Variants in TPD52L3 observed in about 807,000 individuals in gnomAD.
TPD52L3 encodes the protein TPD52 like 3.
In TPD52L3, 12 loss-of-function variants were observed where a neutral mutation model predicts 8.7. The ratio of observed to expected loss-of-function variants is 1.38; its 90% CI spans 0.89 to 2.24. TPD52L3 has a LOEUF of 2.24. Ranked by LOEUF, TPD52L3 falls within the 30% of genes most tolerant of loss-of-function variation. The pLI is 0.00. For missense variants in TPD52L3, 207 were observed against 158.7 expected, an observed-to-expected ratio of 1.30 and a Z score of -1.64; for synonymous variants, 79 against 66.8, an observed-to-expected ratio of 1.18 and a Z score of -0.89.
intron 1 of TPD52L3, 167 bp downstream of exon 1, chr9:6,329,129 G>A: frequency 6.7e-7 from 1 of 1,499,950 alleles, no homozygotes; most frequent in Non-Finnish European, 8.9e-7. Context: ...GTTCTGGAGA[G>A]TGAGGATGAC....
At chr9:6,330,675 C>T (rs967069447) in intron 1 of TPD52L3, 32 of 1,208,706 alleles carry the variant, frequency 2.6e-5, no homozygotes, top group South Asian at 3.4e-5. Context: ...TTTGCATGTT[C>T]GATTTTTAAT....
intron 1 of TPD52L3, chr9:6,330,758 G>C (rs1818136475): frequency 7.6e-7 from 1 of 1,308,594 alleles, no homozygotes; most frequent in South Asian, 2.6e-5. Flanking sequence ...TACAAGAAAT[G>C]AAAGTAGTCC....
chr9:6,329,101 G>A (rs1222744659), intron 1 of TPD52L3, 139 bp downstream of exon 1: 1 of 1,541,936 alleles, frequency 6.5e-7, no homozygotes, highest in Non-Finnish European at 8.7e-7. Context: ...TCCGGGGAGT[G>A]GGAATGAGCC....
intron 1 of TPD52L3, chr9:6,330,197 A>C (rs1587715731): frequency 6.2e-7 from 1 of 1,614,064 alleles, no homozygotes; most frequent in Non-Finnish European, 8.5e-7. Context: ...CCTAAAGGAG[A>C]AGGAAGCAGA....
intron 1 of TPD52L3, chr9:6,330,773 G>A (rs949095487): frequency 4.5e-6 from 6 of 1,336,112 alleles, no homozygotes; most frequent in East Asian, 2.8e-5. Flanking sequence ...TAGTCCAACA[G>A]GCAAAGGCTT....
Position 6,328,761 on chromosome 9 carries a change from C to T in TPD52L3, c.166C>T (p.Arg56Cys), listed in dbSNP as rs757070996. ...CCACGTACTAGCAGCCAAAGAGAGA[C>T]GCTGTGGGGAACTCAAGAGGAAGTT... ...LRHVLAAKER[R>C]CGELKRKLGL... The change falls in exon 1 of 2, where the codon CGC becomes TGC. Residue 56 changes from arginine (R) to cysteine (C), a missense_variant. Coordinates refer to ENST00000314556, the MANE Select transcript of TPD52L3 (RefSeq NM_001001874.3). The T allele has an allele frequency of 2.8e-5, 45 of 1,613,982 alleles. No individual in the cohort carries two copies. The highest frequency in any genetic ancestry group is 1.3e-4 in the East Asian group (6 of 44,886).
intron 1 of TPD52L3, chr9:6,330,150 G>T: frequency 6.2e-7 from 1 of 1,613,720 alleles, no homozygotes; most frequent in Non-Finnish European, 8.5e-7. Context: ...ATACATCTTT[G>T]CTCTTAACTC....
chr9:6,330,091 C>A lies in TPD52L3; in HGVS notation c.368-885C>A, dbSNP rs144435785. On this transcript the variant is annotated intron_variant, in intron 1 of 1. Coordinates refer to ENST00000314556, the MANE Select transcript of TPD52L3 (RefSeq NM_001001874.3). ...GTCTCAAGGAACATTTTAAAAAGAA[C>A]GTCTGTCCCCTGTGATGCTGGCTGT... The A allele has an allele frequency of 3.9e-4, 610 of 1,584,272 alleles. 4 individuals carry two copies. In the East Asian group the frequency reaches 0.013, roughly 34 times the overall value.
intron 1 of TPD52L3, 165 bp from the exon 2 acceptor site, chr9:6,330,811 G>C (rs1818137259): frequency 7.2e-7 from 1 of 1,392,278 alleles, no homozygotes; most frequent in Non-Finnish European, 9.3e-7. Context: ...GCTTGTGTTA[G>C]GGACAATCTC....
intron 1 of TPD52L3, chr9:6,330,764 A>C: frequency 7.6e-7 from 1 of 1,314,454 alleles, no homozygotes; most frequent in Non-Finnish European, 9.7e-7. Context: ...AAATGAAAGT[A>C]GTCCAACAGG....
chr9:6,329,852 T>G, intron 1 of TPD52L3: 1 of 1,152,836 alleles, frequency 8.7e-7, no homozygotes, highest in Non-Finnish European at 1.1e-6. Flanking sequence ...AAACTGAAAT[T>G]GCAACTTTGC....
intron 1 of TPD52L3, chr9:6,330,569 G>A (rs1226799634): frequency 2.6e-6 from 3 of 1,167,928 alleles, no homozygotes; most frequent in Non-Finnish European, 3.2e-6. Flanking sequence ...AAATACAAAA[G>A]CATCTGGTAA....
At position 6,328,753 on chromosome 9, in the gene TPD52L3, A is replaced by G; in HGVS notation, c.158A>G (p.Lys53Arg). The G allele has an allele frequency of 6.2e-7, 1 of 1,614,172 alleles. No individual in the cohort carries two copies. Among genetic ancestry groups the G allele is most frequent in the Non-Finnish European group, 8.5e-7 (1 of 1,180,038 alleles). Residue 53 changes from lysine (K) to arginine (R), a missense_variant, in exon 1 of 2, where the codon AAA becomes AGA. Coordinates refer to ENST00000314556, the MANE Select transcript of TPD52L3 (RefSeq NM_001001874.3). ...IVTLRHVLAA[K>R]ERRCGELKRK... ...ACCCTACGCCACGTACTAGCAGCCA[A>G]AGAGAGACGCTGTGGGGAACTCAAG... is the stretch of plus-strand genomic sequence containing the variant.
At chr9:6,329,005 G>C in intron 1 of TPD52L3, 43 bp downstream of exon 1, 2 of 1,613,890 alleles carry the variant, frequency 1.2e-6, no homozygotes, top group Non-Finnish European at 1.7e-6. Flanking sequence ...GGGGGCAAAA[G>C]AGCTTGGCCC....
Position 6,328,865 on chromosome 9 carries a change from G to C in TPD52L3, c.270G>C (p.Val90=), listed in dbSNP as rs923690499. Residue 90 remains valine (V), a synonymous_variant, in exon 1 of 2, where the codon GTG becomes GTC. Coordinates refer to ENST00000314556, the MANE Select transcript of TPD52L3 (RefSeq NM_001001874.3). The part of the protein sequence containing the change: ...WLDVQVSNTY[V]KQKTSAALST... ...ATGTTCAGGTCTCCAACACCTATGT[G>C]AAACAGAAGACATCAGCTGCTCTGT... 1.2e-6 allele frequency: 2 copies of C among 1,614,200 alleles called. No individual in the cohort carries two copies. Among genetic ancestry groups the C allele is most frequent in the Non-Finnish European group, 1.7e-6 (2 of 1,180,040 alleles).
chr9:6,329,139 C>A (rs1818091354), intron 1 of TPD52L3, 177 bp downstream of exon 1: 2 of 1,484,608 alleles, frequency 1.3e-6, no homozygotes, highest in Admixed American at 5.2e-5. Context: ...GTGAGGATGA[C>A]CATCTCCACT....
rs1415307278 is a variant in TPD52L3, at chr9:6,331,546, G to A, written c.*527G>A. On this transcript the variant is annotated 3_prime_UTR_variant, in exon 2 of 2. Transcript: ENST00000314556. ...CGTGAGTAAGAAAAAATAAGCAGGG[G>A]GCAAAATCATAAGTAGTCTTACATA... 1.3e-5 allele frequency: 2 copies of A among 152,026 alleles called. No individual in the cohort carries two copies. The highest frequency in any genetic ancestry group is 4.8e-5 in the African/African-American group (2 of 41,362). 9.4% of individuals were successfully genotyped at this position (152,026 alleles called of 1,614,324 possible).
At position 6,330,828 on chromosome 9, in the gene TPD52L3, T is replaced by C. The variant is rs1564106752; in HGVS notation, c.368-148T>C. ...TTGTGTTAGGGACAATCTCAGACTA[T>C]TATCATGGGCCAAACCTGAGAGATG... On this transcript the variant is annotated intron_variant, in intron 1 of 1. Coordinates refer to ENST00000314556, the MANE Select transcript of TPD52L3 (RefSeq NM_001001874.3). The C allele has an allele frequency of 6.3e-6, 9 of 1,431,226 alleles. No individual in the cohort carries two copies. In the East Asian group the frequency reaches 1.5e-4, roughly 24 times the overall value. The allele number at this position is 1,431,226 out of a possible 1,614,324, so 88.7% of individuals were successfully genotyped here. A position where few individuals can be genotyped will look rare whatever the true frequency, so the allele number is the denominator to read the frequency against.
chr9:6,329,222 T>C, intron 1 of TPD52L3: 1 of 1,391,226 alleles, frequency 7.2e-7, no homozygotes, highest in South Asian at 1.9e-5. Context: ...CCTTCCCTTA[T>C]TACATTTGCA....
Sources: allele counts gnomAD v4.1 joint callset, GRCh38; gene constraint gnomAD v4.1.1; transcripts MANE v1.5; gene names NCBI Gene and HGNC (gene_info 2026-07-23, HGNC 2026-07-21).